The following DNAJC15 variants were observed in gnomAD, a reference collection of about 807,000 sequenced individuals.
DNAJC15 encodes the protein DnaJ heat shock protein family (Hsp40) member C15.
DNAJC15 carries 27 observed loss-of-function variants against 22.4 expected under a neutral mutation model. The ratio of observed to expected loss-of-function variants is 1.20; its 90% CI spans 0.89 to 1.66. The LOEUF (loss-of-function observed/expected upper bound fraction) is 1.66. Ranked by LOEUF, DNAJC15 falls within the 40% of genes most tolerant of loss-of-function variation. DNAJC15 has a pLI of 0.00. For missense variants in DNAJC15, 208 were observed against 187.1 expected (o/e 1.11, Z -0.65); for synonymous variants, 79 against 63.2 (o/e 1.25, Z -1.19).
chr13:43,094,444 A>AT (rs2040729955), intron 5 of DNAJC15, among the ~76,000 whole-genome samples: 1 of 152,122 alleles, frequency 6.6e-6, no homozygotes, highest in East Asian at 1.9e-4. Context: ...CCTCCAGTTG[A>AT]TTCTAATGTA....
At chr13:43,040,371 T>G (rs2657101) in intron 1 of DNAJC15, among the ~76,000 whole-genome samples, 2,231 of 152,320 alleles carry the variant, frequency 0.015, 45 homozygotes, top group African/African-American at 0.05. Context: ...TTTTTGTCTC[T>G]TTTTGACTTA....
chr13:43,067,729 AC>A (rs1468428614), intron 2 of DNAJC15, among the ~76,000 whole-genome samples: 1 of 152,090 alleles, frequency 6.6e-6, no homozygotes, highest in Non-Finnish European at 1.5e-5. Flanking sequence ...GTTAGAGTAA[AC>A]CTCCAGGTGT....
At chr13:43,048,830 C>T (rs1289733514) in intron 1 of DNAJC15, among the ~76,000 whole-genome samples, 1 of 152,104 alleles carries the variant, frequency 6.6e-6, no homozygotes, top group Admixed American at 6.5e-5. Context: ...GTAACAACAA[C>T]AAAAATATAT....
rs375817730 is a variant in DNAJC15, at chr13:43,109,842, T to C, written c.*2594T>C. On this transcript the variant is annotated 3_prime_UTR_variant, in exon 6 of 6. Transcript: ENST00000379221. ...ACCTGCACGTTGTGCACATGTGCCC[T>C]AGAACTTAAAGTATAATAAAAAGAA... 1 of 149,832 alleles carries C rather than the reference T, an allele frequency of 6.7e-6. No individual in the cohort carries two copies. 9.3% of individuals were successfully genotyped at this position (149,832 alleles called of 1,614,324 possible). A position where few individuals can be genotyped will look rare whatever the true frequency, so the allele number is the denominator to read the frequency against.
intron 5 of DNAJC15, among the ~76,000 whole-genome samples, chr13:43,093,562 C>A (rs1399122099): frequency 6.6e-6 from 1 of 152,010 alleles, no homozygotes; most frequent in African/African-American, 2.4e-5. Context: ...AGGTGTGTGC[C>A]AACATACCCA....
intron 4 of DNAJC15, among the ~76,000 whole-genome samples, chr13:43,081,409 A>C (rs935254494): frequency 6.6e-6 from 1 of 152,052 alleles, no homozygotes; most frequent in African/African-American, 2.4e-5. Context: ...ACCTATCAAC[A>C]GTATTGTGTA....
At chr13:43,092,960 A>G (rs1205118866) in intron 5 of DNAJC15, among the ~76,000 whole-genome samples, 1 of 152,232 alleles carries the variant, frequency 6.6e-6, no homozygotes, top group Non-Finnish European at 1.5e-5. Flanking sequence ...AGAATACAGA[A>G]TACTTTCTTG....
intron 1 of DNAJC15, among the ~76,000 whole-genome samples, chr13:43,053,597 G>A (rs900936096): frequency 7.2e-5 from 11 of 152,106 alleles, no homozygotes; most frequent in African/African-American, 2.4e-4. Context: ...TTGTATGATA[G>A]TTTTCCTTGT....
In DNAJC15 at chr13:43,111,213, T is replaced by G. The variant is rs1290916423; in HGVS notation, c.*3965T>G. ...TTTAGTCTTCAAAGCACTTTACTTT[T>G]TATGAAATATATTTTAGACATTCAG... On this transcript the variant is annotated 3_prime_UTR_variant, in exon 6 of 6. Coordinates refer to ENST00000379221, the MANE Select transcript of DNAJC15 (RefSeq NM_013238.3). 3.3e-5 allele frequency: 5 copies of G among 152,226 alleles called. No individual in the cohort carries two copies. Among genetic ancestry groups the G allele is most frequent in the African/African-American group, 9.6e-5 (4 of 41,460 alleles). 9.4% of individuals were successfully genotyped at this position (152,226 alleles called of 1,614,324 possible). A position where few individuals can be genotyped will look rare whatever the true frequency, so the allele number is the denominator to read the frequency against.
chr13:43,055,098 G>A (rs1381796297), intron 1 of DNAJC15, among the ~76,000 whole-genome samples: 29 of 149,064 alleles, frequency 1.9e-4, no homozygotes, highest in African/African-American at 6.7e-4. Flanking sequence ...TGGAGACGTC[G>A]TGGGGGAGGG....
chr13:43,052,195 C>A (rs1593315177), intron 1 of DNAJC15, among the ~76,000 whole-genome samples: 1 of 151,888 alleles, frequency 6.6e-6, no homozygotes, highest in Admixed American at 6.6e-5. Flanking sequence ...GATCTCCTGA[C>A]CTTGTGATAC....
At chr13:43,093,100 C>T (rs1489048576) in intron 5 of DNAJC15, among the ~76,000 whole-genome samples, 3 of 152,162 alleles carry the variant, frequency 2.0e-5, no homozygotes, top group African/African-American at 7.2e-5. Flanking sequence ...CTATTAAGCT[C>T]TTAATGTCAT....
At chr13:43,062,342 CTCTT>C (rs746399037) in intron 1 of DNAJC15, among the ~76,000 whole-genome samples, 66 of 152,304 alleles carry the variant, frequency 4.3e-4, no homozygotes, top group Non-Finnish European at 7.2e-4. Context: ...TTTCCTTCCA[CTCTT>C]TCTTTTTCTG....
At chr13:43,058,728 T>A (rs2040542986) in intron 1 of DNAJC15, among the ~76,000 whole-genome samples, 4 of 152,128 alleles carry the variant, frequency 2.6e-5, no homozygotes, top group African/African-American at 9.7e-5. Context: ...CTTCCCTAAT[T>A]CCAGTGGCAA....
chr13:43,089,976 G>A (rs896246829), intron 5 of DNAJC15, among the ~76,000 whole-genome samples: 2 of 152,152 alleles, frequency 1.3e-5, no homozygotes, highest in Admixed American at 6.5e-5. Context: ...AGTGACACCA[G>A]TCTATCCATA....
At chr13:43,102,521 A>G (rs777353677) in intron 5 of DNAJC15, among the ~76,000 whole-genome samples, 18 of 152,166 alleles carry the variant, frequency 1.2e-4, no homozygotes, top group Non-Finnish European at 2.2e-4. Context: ...CACGCCTGTA[A>G]TCCCAGCACT....
intron 4 of DNAJC15, among the ~76,000 whole-genome samples, chr13:43,084,900 A>G (rs943140050): frequency 1.4e-4 from 22 of 152,214 alleles, no homozygotes; most frequent in Non-Finnish European, 2.9e-4. Context: ...AAAGATAACT[A>G]TAATGAAGCA....
At chr13:43,048,937 T>G (rs2040490408) in intron 1 of DNAJC15, among the ~76,000 whole-genome samples, 1 of 152,118 alleles carries the variant, frequency 6.6e-6, no homozygotes, top group Admixed American at 6.5e-5. Context: ...AAACTAAAAC[T>G]TGCCCAAGGC....
chr13:43,063,088 C>T (rs564756801), intron 1 of DNAJC15, among the ~76,000 whole-genome samples: 3 of 152,274 alleles, frequency 2.0e-5, no homozygotes, highest in South Asian at 4.2e-4. Context: ...CAGCTCACTG[C>T]GACCTCCACC....
Sources: allele counts gnomAD v4.1 joint callset (sites outside exome capture counted in the v4.1 genomes callset), GRCh38; gene constraint gnomAD v4.1.1; transcripts MANE v1.5; gene names NCBI Gene and HGNC (gene_info 2026-07-23, HGNC 2026-07-21).